Variants in AGBL1 observed in about 807,000 individuals in gnomAD.
AGBL1 encodes AGBL carboxypeptidase 1.
A neutral mutation model predicts 118.9 loss-of-function variants in AGBL1; 130 were observed. The ratio of observed to expected loss-of-function variants is 1.09; its 90% CI spans 0.95 to 1.26. The LOEUF (loss-of-function observed/expected upper bound fraction) is 1.26, where lower values mean the gene tolerates loss of function less well. Ranked by LOEUF, AGBL1 falls within the 50% of genes most tolerant of loss-of-function variation. AGBL1 has a pLI of 0.00. For missense variants in AGBL1, 1,584 were observed against 1,298.1 expected (o/e 1.22, Z -3.38); for synonymous variants, 555 against 478.9 (o/e 1.16, Z -2.08).
rs28701897 is a variant in AGBL1 at position 86,735,917 on chromosome 15, C to T, written c.3158+61481C>T. 5.0e-3 allele frequency among the ~76,000 whole-genome samples: 768 copies of T among 152,150 alleles called. 8 individuals carry two copies. The highest frequency in any genetic ancestry group is 0.017 in the African/African-American group (723 of 41,500). ...AAATGAGATACGACTTTTATGCTCA[C>T]TTTGCTCTTGATTCTCATTGCTTAT... On this transcript the variant is annotated intron_variant, in intron 22 of 22. Transcript: ENST00000614907.
chr15:86,627,224 T>C (rs1456957634), intron 21 of AGBL1, among the ~76,000 whole-genome samples: 2 of 152,170 alleles, frequency 1.3e-5, no homozygotes, highest in African/African-American at 2.4e-5. Context: ...AGTCTCGAAC[T>C]CCCGACCTCA....
At chr15:86,724,646 C>T (rs1020729690) in intron 22 of AGBL1, among the ~76,000 whole-genome samples, 4 of 152,006 alleles carry the variant, frequency 2.6e-5, no homozygotes, top group Non-Finnish European at 5.9e-5. Context: ...ATATTTGTTC[C>T]CTCCAAATCT....
chr15:86,973,415 G>C (rs1242953858), intron 23 of AGBL1, among the ~76,000 whole-genome samples: 1 of 151,960 alleles, frequency 6.6e-6, no homozygotes, highest in African/African-American at 2.4e-5. Flanking sequence ...TTTAACTATA[G>C]TAGCAATTTC....
intron 21 of AGBL1, among the ~76,000 whole-genome samples, chr15:86,662,639 T>C (rs1266871831): frequency 6.6e-6 from 1 of 152,244 alleles, no homozygotes; most frequent in Admixed American, 6.5e-5. Context: ...GCCACCTTCA[T>C]TGATAAAATC....
intron 22 of AGBL1, among the ~76,000 whole-genome samples, chr15:86,835,845 C>G (rs750027260): frequency 5.3e-5 from 8 of 152,098 alleles, no homozygotes; most frequent in Non-Finnish European, 1.0e-4. Context: ...TGCCATCATG[C>G]ACAGAAATAT....
At chr15:86,638,049 T>G (rs2085126454) in intron 21 of AGBL1, among the ~76,000 whole-genome samples, 1 of 152,060 alleles carries the variant, frequency 6.6e-6, no homozygotes, top group African/African-American at 2.4e-5. Context: ...GGAAAAAAAA[T>G]CCTTTATACT....
rs1040992462 is a variant in AGBL1 at position 86,840,646 on chromosome 15, T to C, written c.3159-66441T>C. Among the ~76,000 whole-genome samples, 9 of 152,064 alleles carry C rather than the reference T, an allele frequency of 5.9e-5. No individual in the cohort carries two copies. In the East Asian group the frequency reaches 1.5e-3, roughly 26 times the overall value. ...TTTTAGTACAGACGGGGTTTCACCATGTTAGCCAGGCTCAAACTCCCGACC... is the reference window on the plus strand; with the variant it reads ...TTTTAGTACAGACGGGGTTTCACCACGTTAGCCAGGCTCAAACTCCCGACC... On this transcript the variant is annotated intron_variant, in intron 22 of 22. Coordinates refer to ENST00000614907, the MANE Select transcript of AGBL1 (RefSeq NM_001386094.1).
At chr15:86,900,191 C>T (rs2080191417) in intron 22 of AGBL1, among the ~76,000 whole-genome samples, 1 of 152,166 alleles carries the variant, frequency 6.6e-6, no homozygotes, top group Non-Finnish European at 1.5e-5. Context: ...CTCAGACTGG[C>T]TTTCTGGCTC....
chr15:87,000,943 C>T (rs2081430739), intron 24 of AGBL1, among the ~76,000 whole-genome samples: 1 of 121,230 alleles, frequency 8.2e-6, no homozygotes. Context: ...AGGTCCTTCA[C>T]ATCCCTTGTA....
intron 21 of AGBL1, among the ~76,000 whole-genome samples, chr15:86,597,019 A>G (rs1024342631): frequency 2.0e-5 from 3 of 152,178 alleles, no homozygotes; most frequent in Non-Finnish European, 4.4e-5. Context: ...AATAAATTAG[A>G]CAGGTTGTTC....
At chr15:86,423,419 C>T (rs955490069) in intron 18 of AGBL1, among the ~76,000 whole-genome samples, 7 of 150,360 alleles carry the variant, frequency 4.7e-5, no homozygotes, top group Admixed American at 2.0e-4. Context: ...GCTGATGGAA[C>T]GTATCTCTAT....
intron 23 of AGBL1, among the ~76,000 whole-genome samples, chr15:86,929,398 C>T (rs949634703): frequency 6.6e-6 from 1 of 152,146 alleles, no homozygotes; most frequent in African/African-American, 2.4e-5. Flanking sequence ...CTGGACAATA[C>T]ACAAAATGGG....
chr15:86,606,728 T>C (rs774892107), intron 21 of AGBL1, among the ~76,000 whole-genome samples: 1 of 152,114 alleles, frequency 6.6e-6, no homozygotes, highest in Admixed American at 6.6e-5. Context: ...TTCTCATATA[T>C]CCCCTTTCTC....
At chr15:86,782,413 A>G (rs1304496076) in intron 22 of AGBL1, among the ~76,000 whole-genome samples, 1 of 152,204 alleles carries the variant, frequency 6.6e-6, no homozygotes, top group Non-Finnish European at 1.5e-5. Context: ...TAAACTCTAC[A>G]GGAGAGACAG....
chr15:86,302,259 A>T (rs1468661853), intron 17 of AGBL1, among the ~76,000 whole-genome samples: 1 of 152,144 alleles, frequency 6.6e-6, no homozygotes, highest in Non-Finnish European at 1.5e-5. Context: ...TTATTCTTAT[A>T]CAGTTTTACA....
At chr15:86,218,183 G>T (rs959085818) in intron 5 of AGBL1, among the ~76,000 whole-genome samples, 9 of 152,142 alleles carry the variant, frequency 5.9e-5, no homozygotes, top group Non-Finnish European at 1.3e-4. Context: ...AGGCTAGGGT[G>T]ACAACAGCAG....
intron 18 of AGBL1, among the ~76,000 whole-genome samples, chr15:86,430,510 G>GTA (rs2081923275): frequency 6.6e-6 from 1 of 150,876 alleles, no homozygotes; most frequent in Admixed American, 6.6e-5. Flanking sequence ...AAAAAAATGT[G>GTA]TGTGTGTGTG....
chr15:86,601,459 A>C (rs2084491822), intron 21 of AGBL1, among the ~76,000 whole-genome samples: 1 of 152,222 alleles, frequency 6.6e-6, no homozygotes, highest in Non-Finnish European at 1.5e-5. Context: ...TTTCACAAAA[A>C]TGTGGCTTTA....
chr15:86,196,089 A>C (rs2077797371), intron 5 of AGBL1, among the ~76,000 whole-genome samples: 1 of 152,206 alleles, frequency 6.6e-6, no homozygotes, highest in Admixed American at 6.5e-5. Flanking sequence ...ATTTTTAAGA[A>C]AGTGATTTTT....
Sources: allele counts gnomAD v4.1 joint callset (sites outside exome capture counted in the v4.1 genomes callset), GRCh38; gene constraint gnomAD v4.1.1; transcripts MANE v1.5; gene names NCBI Gene and HGNC (gene_info 2026-07-23, HGNC 2026-07-21).